Variants in PTPRM observed in about 807,000 individuals in gnomAD.
PTPRM encodes receptor-type tyrosine-protein phosphatase mu.
PTPRM carries 47 observed loss-of-function variants against 186.7 expected under a neutral mutation model. That is an observed-to-expected ratio of 0.25 (90% CI 0.20 to 0.32). The LOEUF is 0.32. Among genes scored for constraint, PTPRM ranks in the 10% least tolerant of loss-of-function variants. The probability of loss-of-function intolerance (pLI) is 1.00; values close to 1 mark genes in which losing one functional copy is unlikely to be tolerated. For synonymous variants in PTPRM, 668 were observed against 674.9 expected (o/e 0.99, Z 0.16); for missense variants, 1,494 against 1,865.0 (o/e 0.80, Z 3.66).
chr18:8,144,680 T>C (rs2092840266), intron 14 of PTPRM, among the ~76,000 whole-genome samples: 2 of 152,168 alleles, frequency 1.3e-5, no homozygotes, highest in Admixed American at 6.5e-5. Context: ...ATGGCCATAA[T>C]AAGTGATCCT....
At chr18:7,930,673 A>G (rs1005627255) in intron 5 of PTPRM, among the ~76,000 whole-genome samples, 22 of 152,338 alleles carry the variant, frequency 1.4e-4, no homozygotes, top group South Asian at 6.2e-4. Context: ...GGTGTGACCA[A>G]TATTACATCG....
intron 2 of PTPRM, among the ~76,000 whole-genome samples, chr18:7,811,363 C>G (rs79527698): frequency 0.013 from 1,941 of 152,160 alleles, 13 homozygotes; most frequent in Middle Eastern, 0.024. Flanking sequence ...GACTCAAACT[C>G]TCTCCCCACC....
chr18:8,145,887 A>G (rs989098178), intron 14 of PTPRM, among the ~76,000 whole-genome samples: 2 of 152,230 alleles, frequency 1.3e-5, no homozygotes, highest in Non-Finnish European at 2.9e-5. Context: ...TTGTAGTTCT[A>G]GGTCCTTGAG....
intron 5 of PTPRM, among the ~76,000 whole-genome samples, chr18:7,940,536 A>G (rs893558092): frequency 6.6e-6 from 1 of 152,128 alleles, no homozygotes; most frequent in Non-Finnish European, 1.5e-5. Flanking sequence ...TTCTAGGAGG[A>G]GGAAGAGGTC....
At chr18:8,393,352 T>C (rs989950101) in intron 31 of PTPRM, among the ~76,000 whole-genome samples, 3 of 152,254 alleles carry the variant, frequency 2.0e-5, no homozygotes, top group Non-Finnish European at 4.4e-5. Context: ...TGATGACTTC[T>C]CAGATTGCGG....
chr18:7,864,830 T>A (rs975438451), intron 2 of PTPRM, among the ~76,000 whole-genome samples: 4 of 152,168 alleles, frequency 2.6e-5, no homozygotes, highest in African/African-American at 9.6e-5. Context: ...TATCCATGAG[T>A]ATGGAATGTT....
At chr18:7,658,158 C>T (rs2038894522) in intron 1 of PTPRM, among the ~76,000 whole-genome samples, 1 of 151,902 alleles carries the variant, frequency 6.6e-6, no homozygotes, top group African/African-American at 2.4e-5. Context: ...ACTGAAGCTT[C>T]ATGCCCTTTG....
At chr18:7,647,048 A>G (rs193260724) in intron 1 of PTPRM, among the ~76,000 whole-genome samples, 37 of 152,228 alleles carry the variant, frequency 2.4e-4, no homozygotes, top group Admixed American at 9.8e-4. Flanking sequence ...GGCCCTGTTT[A>G]TCTTAAACAA....
intron 14 of PTPRM, among the ~76,000 whole-genome samples, chr18:8,225,609 C>A (rs575852913): frequency 6.6e-5 from 10 of 152,298 alleles, no homozygotes; most frequent in African/African-American, 2.2e-4. Flanking sequence ...CTCACATCAG[C>A]CACTTTCACC....
intron 22 of PTPRM, among the ~76,000 whole-genome samples, chr18:8,325,955 T>C (rs1301679560): frequency 2.0e-5 from 3 of 152,218 alleles, no homozygotes; most frequent in African/African-American, 7.2e-5. Flanking sequence ...TTTCATATAC[T>C]TGCTGGCCGC....
chr18:8,148,983 A>G (rs2092944870), intron 14 of PTPRM, among the ~76,000 whole-genome samples: 1 of 152,128 alleles, frequency 6.6e-6, no homozygotes, highest in African/African-American at 2.4e-5. Context: ...CTTAATCCTG[A>G]GTTCTAGTAT....
intron 13 of PTPRM, 142 bp from the exon 14 acceptor site, chr18:8,143,505 T>C: frequency 7.4e-6 from 6 of 812,000 alleles, no homozygotes; most frequent in Middle Eastern, 2.6e-4. Flanking sequence ...ATATGAAAGC[T>C]GTTTAAAAAA....
At chr18:8,297,039 A>G (rs182357951) in intron 20 of PTPRM, among the ~76,000 whole-genome samples, 30 of 152,236 alleles carry the variant, frequency 2.0e-4, no homozygotes, top group African/African-American at 7.2e-4. Context: ...GATGGTTTCT[A>G]AGTCGAGCCC....
At chr18:7,959,567 A>T (rs1481109722) in intron 7 of PTPRM, among the ~76,000 whole-genome samples, 1 of 152,170 alleles carries the variant, frequency 6.6e-6, no homozygotes, top group East Asian at 1.9e-4. Context: ...TTCTGCAAGG[A>T]TTGTATTGTA....
chr18:8,257,801 T>C (rs1304058176), intron 19 of PTPRM, among the ~76,000 whole-genome samples: 1 of 152,194 alleles, frequency 6.6e-6, no homozygotes, highest in Admixed American at 6.5e-5. Context: ...GAAGTAGTGA[T>C]GTTCTCTCTG....
At chr18:7,770,133 T>C (rs1343023900) in intron 1 of PTPRM, among the ~76,000 whole-genome samples, 1 of 152,208 alleles carries the variant, frequency 6.6e-6, no homozygotes. Flanking sequence ...TTGCTGACCA[T>C]ACTGCTGTAG....
chr18:7,799,780 G>A (rs996741455), intron 2 of PTPRM, among the ~76,000 whole-genome samples: 2 of 151,948 alleles, frequency 1.3e-5, no homozygotes, highest in African/African-American at 2.4e-5. Context: ...TTCCTGCCTT[G>A]TTAACTTCAG....
intron 1 of PTPRM, among the ~76,000 whole-genome samples, chr18:7,674,742 T>C (rs576463302): frequency 9.8e-5 from 15 of 152,340 alleles, no homozygotes; most frequent in African/African-American, 3.1e-4. Flanking sequence ...GCCCATAACA[T>C]AGAGAATCAG....
chr18:7,962,968 A>G (rs1200964342), intron 7 of PTPRM, among the ~76,000 whole-genome samples: 1 of 152,250 alleles, frequency 6.6e-6, no homozygotes, highest in African/African-American at 2.4e-5. Flanking sequence ...TGAGTGGAGC[A>G]TAATTTATTT....
Sources: gnomAD v4.1 joint callset for allele counts (sites outside exome capture counted in the v4.1 genomes callset) on GRCh38, gnomAD v4.1.1 for gene constraint, MANE v1.5 for transcripts, NCBI Gene and HGNC (gene_info 2026-07-23, HGNC 2026-07-21) for gene names.